TRAPPC9: variants seen among roughly 807,000 people sequenced by gnomAD.
TRAPPC9 encodes IKK2 binding protein.
In TRAPPC9, 83 loss-of-function variants were observed where a neutral mutation model predicts 124.0. The observed-to-expected ratio is 0.67, with a 90% CI of 0.56 to 0.80. The LOEUF (loss-of-function observed/expected upper bound fraction) is 0.80, where lower values mean the gene tolerates loss of function less well. Ranked by LOEUF, TRAPPC9 falls within the 30% of genes least tolerant of loss-of-function variation. The pLI, the probability that TRAPPC9 is intolerant of heterozygous loss-of-function variation, is 0.00. For synonymous variants in TRAPPC9, 638 were observed against 617.5 expected (o/e 1.03, Z -0.49); for missense variants, 1,302 against 1,508.3 (o/e 0.86, Z 2.27).
At chr8:139,829,288 C>T (rs774246704) in intron 21 of TRAPPC9, among the ~76,000 whole-genome samples, 5 of 152,258 alleles carry the variant, frequency 3.3e-5, no homozygotes, top group Non-Finnish European at 7.3e-5. Flanking sequence ...TTAAAGCCAT[C>T]GTCTCCTTTA....
chr8:140,035,544 C>G (rs892586238), intron 17 of TRAPPC9, among the ~76,000 whole-genome samples: 4 of 152,238 alleles, frequency 2.6e-5, no homozygotes, highest in African/African-American at 9.6e-5. Context: ...CTGCCAGACA[C>G]AATGCTGGGA....
At chr8:140,287,757 G>T (rs555675178) in intron 12 of TRAPPC9, 23 bp from the exon 13 acceptor site, 1 of 1,613,736 alleles carries the variant, frequency 6.2e-7, no homozygotes, top group Non-Finnish European at 8.5e-7. Context: ...ACGCAGCATC[G>T]TAAGCCCGGA....
intron 17 of TRAPPC9, among the ~76,000 whole-genome samples, chr8:140,094,518 C>G (rs1424936465): frequency 6.6e-6 from 1 of 152,204 alleles, no homozygotes; most frequent in Non-Finnish European, 1.5e-5. Flanking sequence ...TTTGGCCACC[C>G]TGTTAGCCAC....
chr8:140,367,399 G>A (rs1418615329), intron 8 of TRAPPC9, among the ~76,000 whole-genome samples: 3 of 152,136 alleles, frequency 2.0e-5, no homozygotes, highest in African/African-American at 7.2e-5. Flanking sequence ...GCACTATAAA[G>A]TAATGAGCTA....
chr8:140,278,574 G>C (rs1462832851), intron 14 of TRAPPC9, among the ~76,000 whole-genome samples: 1 of 152,250 alleles, frequency 6.6e-6, no homozygotes, highest in Non-Finnish European at 1.5e-5. Flanking sequence ...CTGGGACAGA[G>C]TGGCCTGCTG....
chr8:139,934,299 AGAGAG>A (rs974525170), intron 19 of TRAPPC9, among the ~76,000 whole-genome samples: 1 of 152,178 alleles, frequency 6.6e-6, no homozygotes, highest in African/African-American at 2.4e-5. Flanking sequence ...AGAGAGAGAG[AGAGAG>A]AAGATGAGAG....
At chr8:140,033,678 T>TTTTG (rs1840676392) in intron 17 of TRAPPC9, among the ~76,000 whole-genome samples, 5 of 48,508 alleles carry the variant, frequency 1.0e-4, no homozygotes, top group Non-Finnish European at 3.0e-4. Flanking sequence ...TTTTTTTTTT[T>TTTTG]TTTTTTTTTT....
intron 9 of TRAPPC9, among the ~76,000 whole-genome samples, chr8:140,355,650 T>C (rs2067718934): frequency 6.6e-6 from 1 of 152,000 alleles, no homozygotes; most frequent in South Asian, 2.1e-4. Context: ...TGGGGGGGAA[T>C]TAACTAAGGG....
rs1276829945 is a variant in TRAPPC9, at chr8:139,729,154, G to A, written c.*1907C>T. ...AGATGTCAAATGCAACTCCAGTTCA[G>A]GTCACTCTTCTACAGGGGATGTGTA... On this transcript the variant is annotated 3_prime_UTR_variant, in exon 23 of 23. Transcript: ENST00000438773. Among the ~76,000 whole-genome samples, 1 of 152,198 alleles carries A rather than the reference G, an allele frequency of 6.6e-6. No individual in the cohort carries two copies. Among genetic ancestry groups the A allele is most frequent in the Non-Finnish European group, 1.5e-5 (1 of 68,038 alleles).
chr8:139,944,852 G>A (rs1834111997), intron 19 of TRAPPC9, among the ~76,000 whole-genome samples: 1 of 152,176 alleles, frequency 6.6e-6, no homozygotes, highest in South Asian at 2.1e-4. Context: ...GCCAGCCATG[G>A]TGGCTCATGC....
At chr8:139,829,148 A>C (rs1825815090) in intron 21 of TRAPPC9, among the ~76,000 whole-genome samples, 1 of 152,236 alleles carries the variant, frequency 6.6e-6, no homozygotes, top group Admixed American at 6.5e-5. Context: ...TGTAACATAC[A>C]TATGTGTACT....
At chr8:140,427,259 G>A (rs2070457616) in intron 4 of TRAPPC9, among the ~76,000 whole-genome samples, 2 of 152,094 alleles carry the variant, frequency 1.3e-5, no homozygotes, top group South Asian at 4.2e-4. Context: ...AGTGACAAAG[G>A]ATTATTATTT....
At chr8:140,413,839 C>G (rs563121684) in intron 5 of TRAPPC9, among the ~76,000 whole-genome samples, 18 of 151,742 alleles carry the variant, frequency 1.2e-4, no homozygotes, top group Non-Finnish European at 2.6e-4. Context: ...AGGACATGAA[C>G]TCATCATTTT....
chr8:140,445,600 AC>A (rs2071220037), intron 2 of TRAPPC9, among the ~76,000 whole-genome samples: 1 of 152,146 alleles, frequency 6.6e-6, no homozygotes, highest in Admixed American at 6.6e-5. Context: ...AAGGCCCACA[AC>A]CCAGGGTTAA....
At chr8:139,917,590 C>G (rs915970724) in intron 19 of TRAPPC9, among the ~76,000 whole-genome samples, 1 of 152,214 alleles carries the variant, frequency 6.6e-6, no homozygotes, top group African/African-American at 2.4e-5. Context: ...AGCAATGGCG[C>G]CCCCGTCCCC....
intron 21 of TRAPPC9, among the ~76,000 whole-genome samples, chr8:139,787,547 A>T (rs1207039785): frequency 6.6e-6 from 1 of 152,186 alleles, no homozygotes; most frequent in Non-Finnish European, 1.5e-5. Context: ...TTCAAAGCCT[A>T]ATATGGAAAA....
At position 140,450,879 on chromosome 8, in the gene TRAPPC9, G is replaced by GT; in HGVS notation, c.494dup (p.Asp165GlufsTer10). Reference sequence around the variant, plus strand: ...TATCCCCAGACTTGTCTGTGGCTCTGTCCAGACGCTTGGACTCCAGCACGA... The same window carrying GT: ...TATCCCCAGACTTGTCTGTGGCTCTGTTCCAGACGCTTGGACTCCAGCACGA... On this transcript the variant is annotated frameshift_variant, in exon 2 of 23. Transcript: ENST00000438773. LOFTEE classifies it high-confidence loss of function. 1 of 1,614,062 alleles carries GT rather than the reference G, an allele frequency of 6.2e-7. No homozygotes were observed. Among genetic ancestry groups the GT allele is most frequent in the Non-Finnish European group, 8.5e-7 (1 of 1,179,996 alleles).
intron 7 of TRAPPC9, among the ~76,000 whole-genome samples, chr8:140,393,915 T>TG (rs2069008769): frequency 6.6e-6 from 1 of 151,944 alleles, no homozygotes; most frequent in African/African-American, 2.4e-5. Flanking sequence ...AGCGTCGTGC[T>TG]GGGGAAAACT....
intron 17 of TRAPPC9, among the ~76,000 whole-genome samples, chr8:140,166,775 G>A (rs572728689): frequency 6.6e-6 from 1 of 152,162 alleles, no homozygotes; most frequent in African/African-American, 2.4e-5. Flanking sequence ...TTGCCTATCC[G>A]TCTTTTTCTT....
Sources: gnomAD v4.1 joint callset for allele counts (sites outside exome capture counted in the v4.1 genomes callset) on GRCh38, gnomAD v4.1.1 for gene constraint, MANE v1.5 for transcripts, NCBI Gene and HGNC (gene_info 2026-07-23, HGNC 2026-07-21) for gene names.